The following NFIB variants were observed in gnomAD, a reference collection of about 807,000 sequenced individuals.
The protein encoded by NFIB is nuclear factor I B, also known as nuclear factor 1 B-type.
A neutral mutation model predicts 61.5 loss-of-function variants in NFIB; 11 were observed. The ratio of observed to expected loss-of-function variants is 0.18; its 90% CI spans 0.11 to 0.30. The LOEUF (loss-of-function observed/expected upper bound fraction) is 0.30. Among genes scored for constraint, NFIB ranks in the 10% least tolerant of loss-of-function variants. The pLI is 1.00. For synonymous variants in NFIB, 260 were observed against 216.5 expected, an observed-to-expected ratio of 1.20 and a Z score of -1.76; for missense variants, 471 against 608.9, an observed-to-expected ratio of 0.77 and a Z score of 2.38.
chr9:14,397,466 A>G (rs113468325), intron 1 of NFIB, among the ~76,000 whole-genome samples: 1 of 152,202 alleles, frequency 6.6e-6, no homozygotes, highest in Non-Finnish European at 1.5e-5. Flanking sequence ...GTTTCTGACT[A>G]TTTAATATGG....
At chr9:14,519,343 G>C in the NFIB span, among the ~76,000 whole-genome samples, 1 of 152,064 alleles carries the variant, frequency 6.6e-6, no homozygotes, top group African/African-American at 2.4e-5. Flanking sequence ...TGAGTTTAGG[G>C]GAAAAATGAA....
At chr9:14,401,987 T>A (rs180895833), upstream of NFIB, among the ~76,000 whole-genome samples, 2 of 152,326 alleles carry the variant, frequency 1.3e-5, no homozygotes. Context: ...TGCCTCTTAG[T>A]GTACGTGTGC....
chr9:14,181,671 A>G (rs1276913726), intron 2 of NFIB, among the ~76,000 whole-genome samples: 3 of 152,210 alleles, frequency 2.0e-5, no homozygotes, highest in Non-Finnish European at 1.5e-5. Flanking sequence ...CAGCATTGAT[A>G]TTACATTCCA....
chr9:14,264,539 A>G (rs1285179843), intron 2 of NFIB, among the ~76,000 whole-genome samples: 1 of 152,198 alleles, frequency 6.6e-6, no homozygotes, highest in African/African-American at 2.4e-5. Context: ...TTAGGAAAGT[A>G]AAAACACTCA....
At chr9:14,175,170 T>TC (rs934669271) in intron 3 of NFIB, among the ~76,000 whole-genome samples, 2 of 120,894 alleles carry the variant, frequency 1.7e-5, no homozygotes, top group African/African-American at 6.6e-5. Context: ...AGAATTTCTT[T>TC]TTTTTTTTTT....
intron 7 of NFIB, among the ~76,000 whole-genome samples, chr9:14,124,137 C>T (rs541473459): frequency 7.2e-5 from 11 of 152,194 alleles, no homozygotes; most frequent in African/African-American, 1.9e-4. Flanking sequence ...GAACAAATAT[C>T]GGGTGAAGGA....
intron 2 of NFIB, among the ~76,000 whole-genome samples, chr9:14,202,538 G>A (rs531888308): frequency 1.3e-5 from 2 of 152,086 alleles, no homozygotes; most frequent in African/African-American, 2.4e-5. Context: ...AGAAAACATC[G>A]TTAAGAATTG....
chr9:14,249,105 A>T (rs2055278642), intron 2 of NFIB, among the ~76,000 whole-genome samples: 1 of 152,236 alleles, frequency 6.6e-6, no homozygotes, highest in South Asian at 2.1e-4. Flanking sequence ...CCTTTCAGTG[A>T]CCAAAAGGAC....
At chr9:14,332,151 G>A (rs938292684) in intron 1 of NFIB, among the ~76,000 whole-genome samples, 1 of 151,946 alleles carries the variant, frequency 6.6e-6, no homozygotes, top group Non-Finnish European at 1.5e-5. Context: ...TGGCCAACAT[G>A]GTGAAACCCC....
intron 2 of NFIB, among the ~76,000 whole-genome samples, chr9:14,197,015 G>T (rs1332086620): frequency 1.3e-5 from 2 of 152,188 alleles, no homozygotes; most frequent in African/African-American, 4.8e-5. Flanking sequence ...ATTAGATACT[G>T]ACAATAAGGC....
the NFIB span, among the ~76,000 whole-genome samples, chr9:14,489,249 T>A: frequency 6.6e-6 from 1 of 152,158 alleles, no homozygotes. Flanking sequence ...ATAATAATAA[T>A]GAGGAAATAT....
chr9:14,176,314 C>G (rs1027221464), intron 3 of NFIB, among the ~76,000 whole-genome samples: 1 of 150,026 alleles, frequency 6.7e-6, no homozygotes, highest in African/African-American at 2.5e-5. Flanking sequence ...TAACTTCTGA[C>G]TCTATCATAA....
chr9:14,404,488 C>A, the NFIB span, among the ~76,000 whole-genome samples: 1 of 152,150 alleles, frequency 6.6e-6, no homozygotes, highest in Admixed American at 6.5e-5. Context: ...CTCTTTCCTA[C>A]CAGCTTGCCA....
the NFIB span, among the ~76,000 whole-genome samples, chr9:14,441,229 C>A: frequency 6.6e-6 from 1 of 150,762 alleles, no homozygotes; most frequent in Non-Finnish European, 1.5e-5. Context: ...CATTAGCAAG[C>A]TAAATAGCTA....
intron 2 of NFIB, among the ~76,000 whole-genome samples, chr9:14,253,962 C>A (rs73645027): frequency 3.0e-4 from 45 of 152,228 alleles, no homozygotes; most frequent in African/African-American, 1.1e-3. Context: ...GGTCTAAATG[C>A]CTCCCCAGCA....
rs191679544 is a variant in NFIB, at chr9:14,398,371, G to A, written c.108+153C>T. 1.4e-3 allele frequency among the ~76,000 whole-genome samples: 206 copies of A among 152,238 alleles called. 1 individual carries two copies. The highest frequency in any genetic ancestry group is 2.5e-4 in the Non-Finnish European group (17 of 68,028). ...ATGCCAGCTCTGAAAGTTCACCTCA[G>A]TAGTCGCTCTACATTGGAAAACCAG... On this transcript the variant is annotated intron_variant, in intron 1 of 8. Coordinates refer to the NFIB transcript ENST00000380934.
the NFIB span, among the ~76,000 whole-genome samples, chr9:14,486,138 C>T: frequency 1.3e-5 from 2 of 152,024 alleles, no homozygotes; most frequent in South Asian, 2.1e-4. Flanking sequence ...CTTGGTCAAG[C>T]GTGTATGTGA....
At chr9:14,256,005 T>C (rs1243928660) in intron 2 of NFIB, among the ~76,000 whole-genome samples, 2 of 152,232 alleles carry the variant, frequency 1.3e-5, no homozygotes, top group Non-Finnish European at 2.9e-5. Context: ...TGTGTGATCT[T>C]GAGAAGTCCC....
At chr9:14,107,603 T>A (rs1412276842) in intron 10 of NFIB, among the ~76,000 whole-genome samples, 1 of 152,082 alleles carries the variant, frequency 6.6e-6, no homozygotes, top group Non-Finnish European at 1.5e-5. Context: ...TAGTTCAACC[T>A]CTTCATTTTC....
Sources: gnomAD v4.1 joint callset for allele counts (sites outside exome capture counted in the v4.1 genomes callset) on GRCh38, gnomAD v4.1.1 for gene constraint, MANE v1.5 for transcripts, NCBI Gene and HGNC (gene_info 2026-07-23, HGNC 2026-07-21) for gene names.